The following MTF2 variants were observed in gnomAD, a reference collection of about 807,000 sequenced individuals.
MTF2 encodes metal-response element-binding transcription factor 2.
In MTF2, 11 loss-of-function variants were observed where a neutral mutation model predicts 79.5. That is an observed-to-expected ratio of 0.14 (90% CI 0.09 to 0.23). The LOEUF (loss-of-function observed/expected upper bound fraction) is 0.23. MTF2 is among the 10% of genes least tolerant of loss of function. MTF2 has a pLI of 1.00. For synonymous variants in MTF2, 208 were observed against 232.8 expected, an observed-to-expected ratio of 0.89 and a Z score of 0.97; for missense variants, 486 against 711.2, an observed-to-expected ratio of 0.68 and a Z score of 3.60.
chr1:93,094,092 T>C (rs500349), intron 1 of MTF2, among the ~76,000 whole-genome samples: 121,974 of 152,124 alleles, frequency 0.8, 51,642 homozygotes, highest in East Asian at 0.94. Context: ...TAGAACAGGT[T>C]TTTTTTGTTC....
chr1:93,086,496 CAA>C (rs10648696), intron 1 of MTF2, among the ~76,000 whole-genome samples: 4 of 97,832 alleles, frequency 4.1e-5, no homozygotes, highest in Admixed American at 1.2e-4. Context: ...GAGACTGTCT[CAA>C]AAAAAAAAAA....
intron 1 of MTF2, among the ~76,000 whole-genome samples, chr1:93,093,378 A>G (rs1478037740): frequency 2.6e-5 from 4 of 152,158 alleles, no homozygotes; most frequent in African/African-American, 9.7e-5. Flanking sequence ...CACAATGTCA[A>G]TCTGTCATCT....
chr1:93,092,743 A>G lies in MTF2; in HGVS notation c.5+13212A>G, dbSNP rs570349760. On this transcript the variant is annotated intron_variant, in intron 1 of 14. Coordinates refer to ENST00000370298, the MANE Select transcript of MTF2 (RefSeq NM_007358.4). ...AACATGTTAGATGAGAAAGAAATTC[A>G]TTGCTTCTCTCCTCATTCTTTCAGT... Among the ~76,000 whole-genome samples, 3 of 152,272 alleles carry G rather than the reference A, an allele frequency of 2.0e-5. No homozygotes were observed. The South Asian group carries it at 6.2e-4, about 32-fold the overall frequency.
chr1:93,128,382 A>C (rs1284005638), intron 10 of MTF2, among the ~76,000 whole-genome samples: 2 of 151,642 alleles, frequency 1.3e-5, no homozygotes, highest in Admixed American at 6.6e-5. Flanking sequence ...ACATGGTGAA[A>C]CCCTGTCTCT....
At chr1:93,096,643 A>G (rs1481557410) in intron 1 of MTF2, among the ~76,000 whole-genome samples, 4 of 144,596 alleles carry the variant, frequency 2.8e-5, no homozygotes, top group East Asian at 2.0e-4. Context: ...TTTCTTTTCT[A>G]TTATATGTAT....
At chr1:93,129,637 T>G (rs1256520178) in intron 11 of MTF2, among the ~76,000 whole-genome samples, 189 bp downstream of exon 11, 8 of 151,988 alleles carry the variant, frequency 5.3e-5, no homozygotes, top group Non-Finnish European at 1.0e-4. Context: ...GCTTGTTTAT[T>G]TATTTTAGGA....
chr1:93,094,928 T>C (rs1221810885), intron 1 of MTF2, among the ~76,000 whole-genome samples: 1 of 152,236 alleles, frequency 6.6e-6, no homozygotes, highest in Non-Finnish European at 1.5e-5. Flanking sequence ...CTGTGCCTTG[T>C]ATTTCCCTTG....
At chr1:93,099,557 A>G (rs772847856) in intron 1 of MTF2, among the ~76,000 whole-genome samples, 6 of 152,214 alleles carry the variant, frequency 3.9e-5, no homozygotes, top group African/African-American at 1.4e-4. Context: ...TCAACATTCA[A>G]TATTTTCAAC....
intron 1 of MTF2, among the ~76,000 whole-genome samples, chr1:93,085,478 T>A (rs1654798897): frequency 8.3e-5 from 1 of 12,028 alleles, no homozygotes; most frequent in African/African-American, 9.7e-5. Flanking sequence ...CACCCGGCCT[T>A]TTTTTTTTTT....
chr1:93,123,663 A>AT (rs1438872789), intron 9 of MTF2, among the ~76,000 whole-genome samples: 1 of 151,510 alleles, frequency 6.6e-6, no homozygotes. Context: ...CTTTAATGGT[A>AT]TTTTTTATTT....
chr1:93,119,471 T>C, intron 8 of MTF2, 70 bp downstream of exon 8: 1 of 1,174,996 alleles, frequency 8.5e-7, no homozygotes, highest in Non-Finnish European at 1.2e-6. Context: ...AAACTTTCTA[T>C]ATACATTTAC....
chr1:93,134,332 T>C, intron 14 of MTF2, 137 bp downstream of exon 14: 1 of 631,472 alleles, frequency 1.6e-6, no homozygotes, highest in Non-Finnish European at 2.8e-6. Flanking sequence ...AGGTAATCCA[T>C]ATGTAGATCC....
rs1404855932 is a variant in MTF2 at position 93,137,281 on chromosome 1, G to A, written c.*254G>A. 1 of 312,748 alleles carries A rather than the reference G, an allele frequency of 3.2e-6. No individual in the cohort carries two copies. The allele number at this position is 312,748 out of a possible 1,614,324, so 19.4% of individuals were successfully genotyped here. A position where few individuals can be genotyped will look rare whatever the true frequency, so the allele number is the denominator to read the frequency against. On this transcript the variant is annotated 3_prime_UTR_variant, in exon 15 of 15. Transcript: ENST00000370298. ...GATTTGTAGAATGTTTCTAGGATAG[G>A]ATATTAAAAATGATTGAAACCCATG...
chr1:93,089,679 G>T (rs1250667944), intron 1 of MTF2, among the ~76,000 whole-genome samples: 1 of 151,978 alleles, frequency 6.6e-6, no homozygotes, highest in Non-Finnish European at 1.5e-5. Flanking sequence ...CAGCCTCCCA[G>T]GTAGTTGGGA....
rs1368760797 is a variant in MTF2, at chr1:93,079,300, A to G, written c.-227A>G. On this transcript the variant is annotated 5_prime_UTR_variant, in exon 1 of 15. Transcript: ENST00000370298. ...GCACCGGCAGTCCGCGGGAAACCAAAATGGCGAGGGGCTGTATTGAAGTGG... is the reference window on the plus strand; with the variant it reads ...GCACCGGCAGTCCGCGGGAAACCAAGATGGCGAGGGGCTGTATTGAAGTGG... 1.8e-6 allele frequency: 1 copy of G among 542,570 alleles called. No individual in the cohort carries two copies. Among genetic ancestry groups the G allele is most frequent in the Non-Finnish European group, 3.3e-6 (1 of 304,710 alleles). 33.6% of individuals were successfully genotyped at this position (542,570 alleles called of 1,614,324 possible).
At chr1:93,124,870 A>T (rs779212243) in intron 9 of MTF2, among the ~76,000 whole-genome samples, 1 of 151,990 alleles carries the variant, frequency 6.6e-6, no homozygotes, top group Non-Finnish European at 1.5e-5. Flanking sequence ...AATAAACCTC[A>T]TGGTCAGATG....
intron 2 of MTF2, 40 bp from the exon 3 acceptor site, chr1:93,110,505 A>G: frequency 6.2e-7 from 1 of 1,602,394 alleles, no homozygotes; most frequent in Non-Finnish European, 8.5e-7. Context: ...CATGTTTTTA[A>G]TTTTAAGAGA....
chr1:93,134,836 A>G, intron 14 of MTF2, among the ~76,000 whole-genome samples: 1 of 6,978 alleles, frequency 1.4e-4, no homozygotes, highest in Non-Finnish European at 4.6e-4. Context: ...GATTTGATTA[A>G]AAAAAAAAAA....
At chr1:93,110,658 T>G in intron 3 of MTF2, 32 bp downstream of exon 3, 1 of 1,520,678 alleles carries the variant, frequency 6.6e-7, no homozygotes, top group African/African-American at 1.4e-5. Flanking sequence ...GAACATGATT[T>G]AAATTAAAAT....
Sources: allele counts gnomAD v4.1 joint callset (sites outside exome capture counted in the v4.1 genomes callset), GRCh38; gene constraint gnomAD v4.1.1; transcripts MANE v1.5; gene names NCBI Gene and HGNC (gene_info 2026-07-23, HGNC 2026-07-21).